TRIO: variants seen among roughly 807,000 people sequenced by gnomAD.
TRIO encodes triple functional domain protein.
In TRIO, 58 loss-of-function variants were observed where a neutral mutation model predicts 351.9. That is an observed-to-expected ratio of 0.16 (90% confidence interval 0.13 to 0.21). The LOEUF (loss-of-function observed/expected upper bound fraction) is 0.21. Among genes scored for constraint, TRIO ranks in the 10% least tolerant of loss-of-function variants. The pLI is 1.00. For synonymous variants in TRIO, 1,758 were observed against 1,595.7 expected (o/e 1.10, Z -2.42); for missense variants, 3,201 against 4,027.8 (o/e 0.79, Z 5.56).
At chr5:14,253,504 T>G (rs1794859422) in intron 1 of TRIO, among the ~76,000 whole-genome samples, 1 of 151,548 alleles carries the variant, frequency 6.6e-6, no homozygotes, top group South Asian at 2.1e-4. Context: ...AGGTCCCGGC[T>G]GATTTCTTTT....
At chr5:14,483,511 C>T (rs1755684875) in intron 46 of TRIO, among the ~76,000 whole-genome samples, 1 of 152,212 alleles carries the variant, frequency 6.6e-6, no homozygotes, top group South Asian at 2.1e-4. Context: ...CCGTGCACAC[C>T]TGCGGGCCTC....
chr5:14,173,190 CT>C (rs758636385), intron 1 of TRIO, among the ~76,000 whole-genome samples: 2,108 of 66,540 alleles, frequency 0.032, 51 homozygotes, highest in African/African-American at 0.12. Flanking sequence ...TTGTATGTTC[CT>C]TTTTTTTTTT....
chr5:14,376,297 TTTTG>T (rs1345861741), intron 19 of TRIO, among the ~76,000 whole-genome samples: 6 of 152,226 alleles, frequency 3.9e-5, no homozygotes, highest in African/African-American at 1.4e-4. Flanking sequence ...TTCTTAAGTT[TTTTG>T]TTTGTTTCAT....
At chr5:14,174,711 C>T (rs1789302817) in intron 1 of TRIO, among the ~76,000 whole-genome samples, 1 of 152,162 alleles carries the variant, frequency 6.6e-6, no homozygotes, top group Non-Finnish European at 1.5e-5. Flanking sequence ...AGGTAGAGGT[C>T]AGATCGCCAA....
intron 34 of TRIO, among the ~76,000 whole-genome samples, chr5:14,458,302 G>C (rs1289598199): frequency 6.6e-6 from 1 of 152,102 alleles, no homozygotes; most frequent in South Asian, 2.1e-4. Flanking sequence ...TGTATGCCAG[G>C]CACTGTGCAG....
chr5:14,251,026 C>T (rs534720195), intron 1 of TRIO, among the ~76,000 whole-genome samples: 1 of 152,210 alleles, frequency 6.6e-6, no homozygotes, highest in African/African-American at 2.4e-5. Flanking sequence ...TGAATTTGAT[C>T]CCCATTATTT....
At chr5:14,378,249 A>C (rs1745742350) in intron 20 of TRIO, 122 bp downstream of exon 20, 2 of 661,726 alleles carry the variant, frequency 3.0e-6, no homozygotes, top group Non-Finnish European at 5.1e-6. Flanking sequence ...CAAACAGTAT[A>C]GCCTTCTAGT....
At position 14,143,617 on chromosome 5, in the gene TRIO, C is replaced by A; in HGVS notation, c.-109C>A. On this transcript the variant is annotated 5_prime_UTR_variant, in exon 1 of 57. Transcript: ENST00000344204. ...CGGGGCTCTGCGTCCGCGCGCCGGG[C>A]GCGGGCAGCTGGGTGCTCGGCGCCG... is the stretch of plus-strand genomic sequence containing the variant. 3.0e-6 allele frequency: 1 copy of A among 329,150 alleles called. No homozygotes were observed. Among genetic ancestry groups the A allele is most frequent in the Non-Finnish European group, 4.3e-6 (1 of 233,150 alleles). 20.4% of individuals were successfully genotyped at this position (329,150 alleles called of 1,614,324 possible).
At chr5:14,329,771 C>A (rs185671576) in intron 9 of TRIO, among the ~76,000 whole-genome samples, 48 of 152,286 alleles carry the variant, frequency 3.2e-4, no homozygotes, top group Admixed American at 4.6e-4. Flanking sequence ...TATCTCCTAT[C>A]CATCAAAGAG....
intron 28 of TRIO, among the ~76,000 whole-genome samples, chr5:14,396,418 A>G (rs192502322): frequency 1.4e-5 from 2 of 138,522 alleles, no homozygotes; most frequent in Non-Finnish European, 3.1e-5. Flanking sequence ...GGTGTGTTAC[A>G]TAATAATTAA....
chr5:14,439,179 C>T (rs574597402), intron 34 of TRIO, among the ~76,000 whole-genome samples: 1 of 152,166 alleles, frequency 6.6e-6, no homozygotes. Context: ...TCATGCCTAG[C>T]TAATTTTTGT....
intron 16 of TRIO, 116 bp downstream of exon 16, chr5:14,367,095 G>T (rs1366961558): frequency 3.5e-6 from 5 of 1,410,508 alleles, no homozygotes; most frequent in East Asian, 2.4e-5. Context: ...TGGTAAAGAC[G>T]ACTCAGAGGA....
chr5:14,289,676 C>T (rs1199437311), intron 4 of TRIO, among the ~76,000 whole-genome samples: 2 of 151,808 alleles, frequency 1.3e-5, no homozygotes, highest in African/African-American at 2.4e-5. Flanking sequence ...GGTGAAACCC[C>T]GTCTCTACTA....
chr5:14,151,545 G>C (rs26115), intron 1 of TRIO, among the ~76,000 whole-genome samples: 11 of 152,050 alleles, frequency 7.2e-5, no homozygotes, highest in Non-Finnish European at 1.5e-4. Flanking sequence ...CAAAGAACTC[G>C]TGTTTCCTAG....
At chr5:14,351,805 C>T (rs188445879) in intron 11 of TRIO, among the ~76,000 whole-genome samples, 120 of 152,296 alleles carry the variant, frequency 7.9e-4, no homozygotes, top group Admixed American at 2.5e-3. Flanking sequence ...TCAGCTTGTA[C>T]CCCACTGGGG....
At chr5:14,311,336 G>C (rs1346214903) in intron 8 of TRIO, among the ~76,000 whole-genome samples, 1 of 152,204 alleles carries the variant, frequency 6.6e-6, no homozygotes, top group Non-Finnish European at 1.5e-5. Context: ...AAACTGATCT[G>C]GTTTTGAATA....
At chr5:14,384,320 C>T (rs1317766284) in intron 21 of TRIO, among the ~76,000 whole-genome samples, 4 of 152,190 alleles carry the variant, frequency 2.6e-5, no homozygotes, top group Admixed American at 2.6e-4. Context: ...AAGTGTCTAA[C>T]ACCATTGAAT....
Position 14,405,891 on chromosome 5 carries a change from G to T in TRIO, c.4760G>T (p.Arg1587Leu). 6.2e-7 allele frequency: 1 copy of T among 1,613,942 alleles called. No homozygotes were observed. The highest frequency in any genetic ancestry group is 8.5e-7 in the Non-Finnish European group (1 of 1,180,018). ...ENKQDWIKHI[R>L]EVIQERTIHL... is the part of the protein sequence containing the mutation. The stretch of plus-strand genomic sequence containing the variant: ...AAGCAGGACTGGATAAAGCATATCC[G>T]CGAAGTCATCCAGGAGCGGACGATC... The change falls in exon 32 of 57, where the codon CGC (arginine) becomes CTC (leucine). Residue 1587 changes from arginine (R) to leucine (L), a missense_variant. By Grantham distance (102) the Arg-to-Leu change is moderately radical. Around this residue, in one of 19 missense-constraint regions of TRIO, gnomAD observed 136 missense variants for 229.5 expected, o/e 0.59. Transcript: ENST00000344204.
intron 34 of TRIO, among the ~76,000 whole-genome samples, chr5:14,436,513 C>T (rs938263309): frequency 6.6e-6 from 1 of 152,160 alleles, no homozygotes; most frequent in African/African-American, 2.4e-5. Context: ...AACAGTCCCC[C>T]AAAGTCTTAT....
Sources: allele counts gnomAD v4.1 joint callset (sites outside exome capture counted in the v4.1 genomes callset), GRCh38; gene constraint gnomAD v4.1.1; regional missense constraint gnomAD v4.1.1; transcripts MANE v1.5; gene names NCBI Gene and HGNC (gene_info 2026-07-23, HGNC 2026-07-21).